The following CLDN20 variants were observed in gnomAD, a reference collection of about 807,000 sequenced individuals.
The protein encoded by CLDN20 is claudin 20.
For missense variants in CLDN20, 258 were observed against 267.9 expected (o/e 0.96, Z 0.26); for synonymous variants, 104 against 103.6 (o/e 1.00, Z -0.03).
At chr6:155,267,215 T>G (rs1479748922) in intron 1 of CLDN20, among the ~76,000 whole-genome samples, 3 of 152,128 alleles carry the variant, frequency 2.0e-5, no homozygotes, top group Non-Finnish European at 2.9e-5. Flanking sequence ...CCGCAAGCAA[T>G]CCACCTGCCT....
At chr6:155,265,246 C>A (rs1280344201) in intron 1 of CLDN20, among the ~76,000 whole-genome samples, 3 of 152,222 alleles carry the variant, frequency 2.0e-5, no homozygotes, top group Non-Finnish European at 4.4e-5. Context: ...GACCCCAGCG[C>A]TGCAGGTCCT....
chr6:155,275,098 C>T lies in CLDN20; in HGVS notation c.-104-518C>T, dbSNP rs901774591. 3.9e-3 allele frequency among the ~76,000 whole-genome samples: 591 copies of T among 150,918 alleles called. 5 individuals are homozygous for T. The highest frequency in any genetic ancestry group is 0.014 in the African/African-American group (559 of 41,250). On this transcript the variant is annotated intron_variant, in intron 1 of 1. Transcript: ENST00000367165. ...AAAATTAGCCGGGCATGGTGGCGGG[C>T]GCCTGTAGTCCCAGCTACTCGGGAG...
chr6:155,275,815 G>C lies in CLDN20; in HGVS notation c.96G>C (p.Val32=). The change falls in exon 2 of 2, where the codon GTG becomes GTC. Residue 32 remains valine (V), a synonymous_variant. Coordinates refer to ENST00000367165, the MANE Select transcript of CLDN20 (RefSeq NM_001001346.3). ...CCACTCTGCTGCCCAACTGGAAGGT[G>C]AATGTGGATGTGGACTCCAACATCA... ...LTATLLPNWK[V]NVDVDSNIIT... is the part of the protein sequence containing the mutation. 6.2e-7 allele frequency: 1 copy of C among 1,614,134 alleles called. No individual in the cohort carries two copies. The highest frequency in any genetic ancestry group is 8.5e-7 in the Non-Finnish European group (1 of 1,180,014).
intron 1 of CLDN20, among the ~76,000 whole-genome samples, chr6:155,267,976 G>A (rs1034139173): frequency 3.9e-5 from 6 of 152,152 alleles, no homozygotes; most frequent in African/African-American, 1.2e-4. Context: ...ACCAATACAA[G>A]CCCAAAGCCC....
chr6:155,268,798 G>A (rs1784781505), intron 1 of CLDN20, among the ~76,000 whole-genome samples: 1 of 150,664 alleles, frequency 6.6e-6, no homozygotes, highest in Non-Finnish European at 1.5e-5. Context: ...AGTACCCAGG[G>A]ACACAAACAC....
chr6:155,276,062 A>G lies in CLDN20; in HGVS notation c.343A>G (p.Ser115Gly), dbSNP rs768410059. The G allele has an allele frequency of 4.3e-6, 7 of 1,614,176 alleles. No individual in the cohort carries two copies. Among genetic ancestry groups the G allele is most frequent in the African/African-American group, 2.7e-5 (2 of 75,040 alleles). ...TRLGGDRETK[S>G]HASFAGGVCF... ...CTTAGGAGGGGACAGAGAAACCAAG[A>G]GCCATGCTTCCTTTGCTGGAGGAGT... Residue 115 changes from serine to glycine, a missense_variant, in exon 2 of 2, where the codon AGC becomes GGC. Transcript: ENST00000367165.
At chr6:155,267,354 GAC>G (rs1784704320) in intron 1 of CLDN20, among the ~76,000 whole-genome samples, 1 of 152,210 alleles carries the variant, frequency 6.6e-6, no homozygotes, top group Admixed American at 6.5e-5. Context: ...AAAATATAGA[GAC>G]AAATCTCCAA....
chr6:155,265,835 G>A (rs1015303167), intron 1 of CLDN20, among the ~76,000 whole-genome samples: 4 of 149,616 alleles, frequency 2.7e-5, no homozygotes, highest in Non-Finnish European at 5.9e-5. Flanking sequence ...ATGATCACAA[G>A]GTCCCACAAT....
chr6:155,274,577 A>G (rs1421311095), intron 1 of CLDN20, among the ~76,000 whole-genome samples: 1 of 152,238 alleles, frequency 6.6e-6, no homozygotes, highest in Non-Finnish European at 1.5e-5. Context: ...TCTGGTCCCA[A>G]TTAGAAAGGA....
intron 1 of CLDN20, among the ~76,000 whole-genome samples, chr6:155,266,842 G>A (rs749832144): frequency 2.7e-4 from 17 of 61,828 alleles, no homozygotes; most frequent in African/African-American, 1.2e-3. Context: ...GCGAGACTCC[G>A]TCTCAAAAAA....
chr6:155,269,191 G>A (rs1784808276), intron 1 of CLDN20, among the ~76,000 whole-genome samples: 3 of 151,824 alleles, frequency 2.0e-5, no homozygotes. Flanking sequence ...TAGAGGTGGG[G>A]CAATGCTATG....
chr6:155,275,525 C>T, intron 1 of CLDN20, 91 bp from the exon 2 acceptor site: 1 of 581,306 alleles, frequency 1.7e-6, no homozygotes, highest in Non-Finnish European at 3.0e-6. Context: ...AAGGGGGATA[C>T]TCAGATGTGT....
intron 1 of CLDN20, among the ~76,000 whole-genome samples, chr6:155,267,093 G>A (rs1441176475): frequency 1.3e-5 from 2 of 151,016 alleles, no homozygotes; most frequent in African/African-American, 4.9e-5. Flanking sequence ...TCGTGTCTCA[G>A]CCTCCTGAGT....
chr6:155,269,190 G>C (rs1784808150), intron 1 of CLDN20, among the ~76,000 whole-genome samples: 1 of 151,640 alleles, frequency 6.6e-6, no homozygotes, highest in African/African-American at 2.4e-5. Flanking sequence ...TTAGAGGTGG[G>C]GCAATGCTAT....
chr6:155,267,520 G>A (rs191532277), intron 1 of CLDN20, among the ~76,000 whole-genome samples: 1 of 152,338 alleles, frequency 6.6e-6, no homozygotes, highest in Non-Finnish European at 1.5e-5. Context: ...TGGCACTAGA[G>A]AAGCTTTTGG....
intron 1 of CLDN20, among the ~76,000 whole-genome samples, chr6:155,274,211 T>C (rs1385865541): frequency 6.6e-6 from 1 of 152,228 alleles, no homozygotes; most frequent in East Asian, 1.9e-4. Context: ...CACTTTAGCA[T>C]ACCATTCAAA....
At chr6:155,268,233 A>G (rs1045729334) in intron 1 of CLDN20, among the ~76,000 whole-genome samples, 2 of 152,162 alleles carry the variant, frequency 1.3e-5, no homozygotes, top group African/African-American at 4.8e-5. Context: ...CCTCCACACC[A>G]TAGCCAAGTG....
chr6:155,266,846 C>CAA lies in CLDN20; in HGVS notation c.-105+2583_-105+2584dup, dbSNP rs1213939199. ...TGGGCGACAGAGCGAGACTCCGTCT[C>CAA]AAAAAAAAAAAAAAAAAAAAAAAAA... On this transcript the variant is annotated intron_variant, in intron 1 of 1. Transcript: ENST00000367165. Among the ~76,000 whole-genome samples the CAA allele has an allele frequency of 4.1e-4, 26 of 62,836 alleles. 1 individual carries two copies. The highest frequency in any genetic ancestry group is 3.7e-3 in the South Asian group (5 of 1,342). 41.2% of individuals were successfully genotyped at this position (62,836 alleles called of 152,430 possible).
chr6:155,275,605 T>C lies in CLDN20; in HGVS notation c.-104-11T>C, dbSNP rs1785152476. ...CTTTCGCTCAATCCTGGTTTTGCCT[T>C]TTTTCCTTAGGCTTTGTTATTTGGT... On this transcript the variant is annotated splice_polypyrimidine_tract_variant and intron_variant, in intron 1 of 1. Transcript: ENST00000367165. 14 of 1,141,852 alleles carry C rather than the reference T, an allele frequency of 1.2e-5. No individual in the cohort carries two copies. The South Asian group carries it at 2.2e-4, about 18-fold the overall frequency. The allele number at this position is 1,141,852 out of a possible 1,614,324, so 70.7% of individuals were successfully genotyped here. A position where few individuals can be genotyped will look rare whatever the true frequency, so the allele number is the denominator to read the frequency against.
Sources: gnomAD v4.1 joint callset for allele counts (sites outside exome capture counted in the v4.1 genomes callset) on GRCh38, gnomAD v4.1.1 for gene constraint, MANE v1.5 for transcripts, NCBI Gene and HGNC (gene_info 2026-07-23, HGNC 2026-07-21) for gene names.